The following ZYG11B variants were observed in gnomAD, a reference collection of about 807,000 sequenced individuals.
The protein encoded by ZYG11B is protein zyg-11 homolog B.
Under a neutral mutation model 82.4 loss-of-function variants are expected in ZYG11B, and 36 were observed. That is an observed-to-expected ratio of 0.44 (90% CI 0.33 to 0.58). The LOEUF is 0.58. Among genes scored for constraint, ZYG11B ranks in the 20% least tolerant of loss-of-function variants. The pLI, the probability that ZYG11B is intolerant of heterozygous loss-of-function variation, is 0.02. For synonymous variants in ZYG11B, 303 were observed against 312.8 expected (o/e 0.97, Z 0.33); for missense variants, 552 against 895.6 (o/e 0.62, Z 4.90).
intron 12 of ZYG11B, among the ~76,000 whole-genome samples, chr1:52,814,711 ACACAC>A (rs1571801778): frequency 1.3e-5 from 2 of 151,700 alleles, no homozygotes; most frequent in Admixed American, 6.6e-5. Context: ...AAATACACAC[ACACAC>A]ACACACACAC....
chr1:52,750,162 A>G (rs1255009084), intron 1 of ZYG11B, among the ~76,000 whole-genome samples: 1 of 152,010 alleles, frequency 6.6e-6, no homozygotes, highest in Non-Finnish European at 1.5e-5. Flanking sequence ...CAGTGGCACA[A>G]TGTTGGCTCA....
chr1:52,775,617 G>A (rs1023188681), intron 3 of ZYG11B, among the ~76,000 whole-genome samples: 25 of 152,084 alleles, frequency 1.6e-4, no homozygotes, highest in Non-Finnish European at 3.2e-4. Flanking sequence ...CTTGAACCTG[G>A]GAGGCGGAGG....
chr1:52,750,422 G>A (rs932393681), intron 1 of ZYG11B, among the ~76,000 whole-genome samples: 1 of 152,248 alleles, frequency 6.6e-6, no homozygotes, highest in East Asian at 1.9e-4. Context: ...ACAGGCATGG[G>A]CCACCATGCC....
At chr1:52,733,991 A>AT (rs917872658) in intron 1 of ZYG11B, among the ~76,000 whole-genome samples, 35 of 151,568 alleles carry the variant, frequency 2.3e-4, no homozygotes, top group African/African-American at 8.0e-4. Context: ...AATAGACATA[A>AT]TTTTTTTTTG....
Position 52,816,615 on chromosome 1 carries a change from T to A in ZYG11B, c.2030T>A (p.Val677Asp). The A allele has an allele frequency of 6.2e-7, 1 of 1,608,670 alleles. No homozygotes were observed. The highest frequency in any genetic ancestry group is 8.5e-7 in the Non-Finnish European group (1 of 1,178,380). ...TGGGCAGTTTGGGCCATGCAACATG[T>A]CTGCAGCAAGAATCGTATGTACCAA... ...QLWAVWAMQH[V>D]CSKNPSRYCS... Residue 677 changes from valine to aspartate, a missense_variant, in exon 13 of 14, where the codon GTC (valine) becomes GAC (aspartate). By Grantham distance (152) the Val-to-Asp change is radical. Around this residue, in one of 3 missense-constraint regions of ZYG11B, gnomAD observed 127 missense variants for 163.4 expected, o/e 0.78. Transcript: ENST00000294353.
chr1:52,762,980 G>GC lies in ZYG11B; in HGVS notation c.196+6357_196+6358insC, dbSNP rs200069399. Reference sequence around the variant, plus strand: ...GTTTTTGTAAAGGTGAGAGATTGGGGGGGGGGGGTCTAGTTTCATTCTTTT... The same window carrying GC: ...GTTTTTGTAAAGGTGAGAGATTGGGGCGGGGGGGGTCTAGTTTCATTCTTTT... On this transcript the variant is annotated intron_variant, in intron 2 of 13. Coordinates refer to ENST00000294353, the MANE Select transcript of ZYG11B (RefSeq NM_024646.3). Among the ~76,000 whole-genome samples, 859 of 142,438 alleles carry GC rather than the reference G, an allele frequency of 6.0e-3. 35 individuals carry two copies. Among genetic ancestry groups the GC allele is most frequent in the African/African-American group, 0.021 (825 of 39,408 alleles). 93.4% of individuals were successfully genotyped at this position (142,438 alleles called of 152,430 possible). A position where few individuals can be genotyped will look rare whatever the true frequency, so the allele number is the denominator to read the frequency against.
chr1:52,738,519 A>G (rs1379032462), intron 1 of ZYG11B, among the ~76,000 whole-genome samples: 3 of 151,480 alleles, frequency 2.0e-5, no homozygotes, highest in African/African-American at 7.3e-5. Context: ...TTTTTCTGTT[A>G]TCTTCAGTTC....
chr1:52,730,066 C>T (rs1489996950), intron 1 of ZYG11B, among the ~76,000 whole-genome samples: 3 of 152,110 alleles, frequency 2.0e-5, no homozygotes, highest in Admixed American at 2.0e-4. Flanking sequence ...CCTCAGCCTC[C>T]CAGAGTGCTG....
At position 52,812,425 on chromosome 1, in the gene ZYG11B, C is replaced by T. The variant is rs149040181; in HGVS notation, c.1696-1111C>T. 6.4e-3 allele frequency among the ~76,000 whole-genome samples: 981 copies of T among 152,114 alleles called. 14 individuals are homozygous for T. Among genetic ancestry groups the T allele is most frequent in the African/African-American group, 0.023 (938 of 41,494 alleles). On this transcript the variant is annotated intron_variant, in intron 10 of 13. Transcript: ENST00000294353. Reference sequence around the variant, plus strand: ...TTTTTATTATTATTTCTTTGTGAGACGGAGTCTCGCTCTGTTGCCCAGGCT... The same window carrying T: ...TTTTTATTATTATTTCTTTGTGAGATGGAGTCTCGCTCTGTTGCCCAGGCT...
At chr1:52,794,513 G>A (rs1396495823) in intron 6 of ZYG11B, among the ~76,000 whole-genome samples, 1 of 152,136 alleles carries the variant, frequency 6.6e-6, no homozygotes, top group African/African-American at 2.4e-5. Flanking sequence ...TATTGAGTGC[G>A]TGCGTGGCAT....
chr1:52,749,932 T>C (rs556795360), intron 1 of ZYG11B, among the ~76,000 whole-genome samples: 20 of 152,340 alleles, frequency 1.3e-4, no homozygotes, highest in African/African-American at 4.6e-4. Flanking sequence ...TTTGTATCAT[T>C]ATGAACTCAT....
At chr1:52,810,275 C>T (rs1402694610) in intron 10 of ZYG11B, among the ~76,000 whole-genome samples, 3 of 152,190 alleles carry the variant, frequency 2.0e-5, no homozygotes, top group Non-Finnish European at 2.9e-5. Flanking sequence ...TCCTGGCCCT[C>T]TGTGAGCACT....
At chr1:52,781,693 A>G (rs887510683) in intron 4 of ZYG11B, among the ~76,000 whole-genome samples, 1 of 152,216 alleles carries the variant, frequency 6.6e-6, no homozygotes, top group Non-Finnish European at 1.5e-5. Flanking sequence ...AGTGGGCACA[A>G]TTCCAAGAGA....
chr1:52,770,372 A>G (rs1644739379), intron 2 of ZYG11B, among the ~76,000 whole-genome samples: 1 of 152,154 alleles, frequency 6.6e-6, no homozygotes, highest in Admixed American at 6.6e-5. Flanking sequence ...CATTAAGTGC[A>G]TGCTAAATAT....
intron 8 of ZYG11B, among the ~76,000 whole-genome samples, chr1:52,799,961 T>G (rs1645062289): frequency 6.6e-6 from 1 of 152,036 alleles, no homozygotes. Context: ...TTTGGGGTGA[T>G]AAAAAGGACT....
chr1:52,726,554 CGGAGCCGCCGCTCGCCGGAGCCTCCT>C lies in ZYG11B; in HGVS notation c.-93_-68del. ...AAGAGGCCGAGGCCTGGGCCAAGCCCGGAGCCGCCGCTCGCCGGAGCCTCCTGGAGCCTCCGCGCCGGCTCAGCCTG... is the reference window on the plus strand; with the variant it reads ...AAGAGGCCGAGGCCTGGGCCAAGCCCGGAGCCTCCGCGCCGGCTCAGCCTG... On this transcript the variant is annotated 5_prime_UTR_variant, in exon 1 of 14. Coordinates refer to ENST00000294353, the MANE Select transcript of ZYG11B (RefSeq NM_024646.3). 8.2e-7 allele frequency: 1 copy of C among 1,221,128 alleles called. No individual in the cohort carries two copies. Among genetic ancestry groups the C allele is most frequent in the Non-Finnish European group, 1.1e-6 (1 of 950,742 alleles). 75.6% of individuals were successfully genotyped at this position (1,221,128 alleles called of 1,614,324 possible).
At chr1:52,789,960 G>T in intron 5 of ZYG11B, 43 bp from the exon 6 acceptor site, 3 of 1,383,486 alleles carry the variant, frequency 2.2e-6, no homozygotes, top group South Asian at 1.4e-5. Flanking sequence ...ATATAACAAA[G>T]TGATATTTTA....
intron 3 of ZYG11B, among the ~76,000 whole-genome samples, chr1:52,773,022 C>G (rs1429467459): frequency 6.6e-6 from 1 of 152,010 alleles, no homozygotes; most frequent in East Asian, 1.9e-4. Flanking sequence ...CTAAGGACAC[C>G]CCTTGTTGAA....
intron 1 of ZYG11B, among the ~76,000 whole-genome samples, chr1:52,734,874 A>G (rs754287858): frequency 6.6e-6 from 1 of 151,888 alleles, no homozygotes; most frequent in African/African-American, 2.4e-5. Flanking sequence ...GATTACAGGC[A>G]TGTGCCACCG....
Sources: gnomAD v4.1 joint callset for allele counts (sites outside exome capture counted in the v4.1 genomes callset) on GRCh38, gnomAD v4.1.1 for gene constraint, gnomAD v4.1.1 regional missense constraint, MANE v1.5 for transcripts, NCBI Gene and HGNC (gene_info 2026-07-23, HGNC 2026-07-21) for gene names.